Variants in ATP9A observed in about 807,000 individuals in gnomAD.
ATP9A encodes the protein probable phospholipid-transporting ATPase IIA.
A neutral mutation model predicts 144.1 loss-of-function variants in ATP9A; 52 were observed. That is an observed-to-expected ratio of 0.36 (90% CI 0.29 to 0.45). The LOEUF is 0.45. Ranked by LOEUF, ATP9A falls within the 20% of genes least tolerant of loss-of-function variation. ATP9A has a pLI of 1.00. For missense variants in ATP9A, 947 were observed against 1,392.7 expected, an observed-to-expected ratio of 0.68 and a Z score of 5.09; for synonymous variants, 582 against 557.4, an observed-to-expected ratio of 1.04 and a Z score of -0.62.
At position 51,600,653 on chromosome 20, in the gene ATP9A, C is replaced by T. The variant is rs1285790914; in HGVS notation, c.*558G>A. 6.6e-6 allele frequency: 1 copy of T among 152,238 alleles called. No individual in the cohort carries two copies. Among genetic ancestry groups the T allele is most frequent in the African/African-American group, 2.4e-5 (1 of 41,444 alleles). 9.4% of individuals were successfully genotyped at this position (152,238 alleles called of 1,614,324 possible). The stretch of plus-strand genomic sequence containing the variant: ...AGGGCTGGCTGGAGACGATACTGAG[C>T]ATTTCCGAATGGAGATTATTGTGTG... On this transcript the variant is annotated 3_prime_UTR_variant, in exon 28 of 28. Transcript: ENST00000338821.
chr20:51,642,511 G>A (rs1022713007), intron 14 of ATP9A, among the ~76,000 whole-genome samples: 2 of 151,844 alleles, frequency 1.3e-5, no homozygotes, highest in South Asian at 4.2e-4. Flanking sequence ...TATAGATCAG[G>A]GGTGGACATG....
At chr20:51,673,928 T>G (rs887689141) in intron 11 of ATP9A, among the ~76,000 whole-genome samples, 2 of 151,744 alleles carry the variant, frequency 1.3e-5, no homozygotes, top group African/African-American at 2.4e-5. Flanking sequence ...TGCATGCCTG[T>G]AATCCCAGCT....
chr20:51,715,968 C>G (rs2077660106), intron 3 of ATP9A, among the ~76,000 whole-genome samples: 1 of 149,022 alleles, frequency 6.7e-6, no homozygotes, highest in African/African-American at 2.5e-5. Flanking sequence ...AATAAATTCA[C>G]TAAAGCAAAG....
At chr20:51,761,759 CAA>C (rs553529325) in intron 1 of ATP9A, among the ~76,000 whole-genome samples, 5 of 122,108 alleles carry the variant, frequency 4.1e-5, no homozygotes, top group African/African-American at 3.1e-5. Context: ...GACTCCGCCT[CAA>C]AAAAAAAAAA....
Position 51,753,454 on chromosome 20 carries a change from AAACAACAACAACAAC to A in ATP9A, c.68+14833_68+14847del, listed in dbSNP as rs11472926. Among the ~76,000 whole-genome samples, 8 of 149,190 alleles carry A rather than the reference AAACAACAACAACAAC, an allele frequency of 5.4e-5. No individual in the cohort carries two copies. In the South Asian group the frequency reaches 8.6e-4, roughly 16 times the overall value. ...CAACAGAGTGAGACTCCGTCTCAAA[AAACAACAACAACAAC>A]AACAACAACAACAACAACAAACCCA... On this transcript the variant is annotated intron_variant, in intron 1 of 27. Transcript: ENST00000338821.
rs45585740 is a variant in ATP9A, at chr20:51,690,833, G to C, written c.643-14C>G. 0.044 allele frequency: 70,257 copies of C among 1,610,854 alleles called. 2,342 individuals carry two copies. The highest frequency in any genetic ancestry group is 0.16 in the African/African-American group (12,203 of 74,900). On this transcript the variant is annotated splice_polypyrimidine_tract_variant and intron_variant, in intron 7 of 27. Transcript: ENST00000338821. Reference sequence around the variant, plus strand: ...CTGAAGAAGGTCCTGTTCAACAGAAGGCACATTCGGGAGTCAAAGTCAGTT... The same window carrying C: ...CTGAAGAAGGTCCTGTTCAACAGAACGCACATTCGGGAGTCAAAGTCAGTT...
At chr20:51,693,825 C>G (rs926362909) in intron 7 of ATP9A, among the ~76,000 whole-genome samples, 183 bp downstream of exon 7, 6 of 152,222 alleles carry the variant, frequency 3.9e-5, no homozygotes, top group African/African-American at 1.4e-4. Flanking sequence ...ACTCCCTGCA[C>G]TCGGGGTCTG....
At chr20:51,722,209 TTAAA>T (rs2077692574) in intron 3 of ATP9A, among the ~76,000 whole-genome samples, 1 of 152,218 alleles carries the variant, frequency 6.6e-6, no homozygotes, top group Non-Finnish European at 1.5e-5. Context: ...GATTAAGGAC[TTAAA>T]TCTAAGTCCT....
chr20:51,615,491 A>C (rs940570877), intron 22 of ATP9A, among the ~76,000 whole-genome samples: 2 of 152,192 alleles, frequency 1.3e-5, no homozygotes, highest in Non-Finnish European at 2.9e-5. Flanking sequence ...ATATATATAC[A>C]TGTGTAAGAT....
chr20:51,753,618 G>A (rs2077842781), intron 1 of ATP9A, among the ~76,000 whole-genome samples: 1 of 151,128 alleles, frequency 6.6e-6, no homozygotes, highest in East Asian at 1.9e-4. Context: ...CATAATACCA[G>A]CATTTCCTTT....
intron 14 of ATP9A, among the ~76,000 whole-genome samples, chr20:51,641,851 TA>T (rs1398223913): frequency 1.0e-5 from 1 of 96,632 alleles, no homozygotes; most frequent in Non-Finnish European, 2.4e-5. Flanking sequence ...AAAAAAAAGA[TA>T]AAAAACACTT....
At chr20:51,658,540 A>C (rs2077396850) in intron 13 of ATP9A, among the ~76,000 whole-genome samples, 1 of 113,038 alleles carries the variant, frequency 8.8e-6, no homozygotes, top group African/African-American at 3.4e-5. Context: ...TTTTTTTGAG[A>C]CATGAGTCTC....
At chr20:51,705,090 A>G (rs2077609637) in intron 4 of ATP9A, among the ~76,000 whole-genome samples, 1 of 152,260 alleles carries the variant, frequency 6.6e-6, no homozygotes. Flanking sequence ...ATACTTTGAA[A>G]CATAAGTAGT....
At chr20:51,692,803 T>TAAAC (rs1281885504) in intron 7 of ATP9A, among the ~76,000 whole-genome samples, 1 of 152,068 alleles carries the variant, frequency 6.6e-6, no homozygotes, top group African/African-American at 2.4e-5. Flanking sequence ...TTCCGTCTCA[T>TAAAC]AAATAAATAA....
At chr20:51,699,666 G>A (rs556867089) in intron 4 of ATP9A, among the ~76,000 whole-genome samples, 8 of 151,288 alleles carry the variant, frequency 5.3e-5, no homozygotes, top group Admixed American at 2.0e-4. Flanking sequence ...TTTTTTAGAC[G>A]GAGTCTCGCT....
At chr20:51,704,860 A>G (rs949621339) in intron 4 of ATP9A, among the ~76,000 whole-genome samples, 4 of 152,252 alleles carry the variant, frequency 2.6e-5, no homozygotes, top group Admixed American at 2.6e-4. Context: ...AAAATCTGTT[A>G]TAAGTAAGAT....
chr20:51,644,843 T>C (rs116068792), intron 14 of ATP9A, among the ~76,000 whole-genome samples: 169 of 152,272 alleles, frequency 1.1e-3, no homozygotes, highest in African/African-American at 4.0e-3. Context: ...TGCCTGTTAA[T>C]TGCCCTGAAA....
At chr20:51,746,049 T>C (rs2077806555) in intron 1 of ATP9A, among the ~76,000 whole-genome samples, 1 of 152,218 alleles carries the variant, frequency 6.6e-6, no homozygotes, top group Non-Finnish European at 1.5e-5. Context: ...AGCTGGAGGC[T>C]ATTATCCTCA....
chr20:51,697,438 T>C lies in ATP9A; in HGVS notation c.481A>G (p.Ile161Val). ...KSSNIQVGDLIIVEKNQRVPA... is the reference protein window; with the variant it reads ...KSSNIQVGDLVIVEKNQRVPA... The stretch of plus-strand genomic sequence containing the variant: ...ATTCTGCTCACCTTTTCAACGATGA[T>C]AAGGTCTCCAACTTGGATGTTAGAA... Residue 161 changes from isoleucine (I) to valine (V), a missense_variant, in exon 5 of 28, where the codon ATC (isoleucine) becomes GTC (valine). Ile to Val is a conservative substitution (Grantham distance 29). Coordinates refer to ENST00000338821, the MANE Select transcript of ATP9A (RefSeq NM_006045.3). 1 of 1,613,530 alleles carries C rather than the reference T, an allele frequency of 6.2e-7. No homozygotes were observed. Among genetic ancestry groups the C allele is most frequent in the Non-Finnish European group, 8.5e-7 (1 of 1,179,776 alleles).
Sources: gnomAD v4.1 joint callset for allele counts (sites outside exome capture counted in the v4.1 genomes callset) on GRCh38, gnomAD v4.1.1 for gene constraint, MANE v1.5 for transcripts, NCBI Gene and HGNC (gene_info 2026-07-23, HGNC 2026-07-21) for gene names.